BAIAP3: variants seen among roughly 807,000 people sequenced by gnomAD.
BAIAP3 encodes the protein BAI1 associated protein 3.
A neutral mutation model predicts 149.7 loss-of-function variants in BAIAP3; 180 were observed. That is an observed-to-expected ratio of 1.20 (90% CI 1.07 to 1.36). The LOEUF (loss-of-function observed/expected upper bound fraction) is 1.36. Ranked by LOEUF, BAIAP3 falls within the 40% of genes most tolerant of loss-of-function variation. The pLI is 0.00. For missense variants in BAIAP3, 1,767 were observed against 1,563.4 expected (o/e 1.13, Z -2.20); for synonymous variants, 845 against 670.7 (o/e 1.26, Z -4.02).
intron 9 of BAIAP3, 32 bp downstream of exon 9, chr16:1,341,898 G>T (rs1367689771): frequency 6.2e-7 from 1 of 1,604,444 alleles, no homozygotes; most frequent in Middle Eastern, 1.7e-4. Context: ...AGGGCGGCGG[G>T]GATGCACACC....
At chr16:1,347,271 C>T (rs1027925269) in intron 28 of BAIAP3, 27 bp from the exon 29 acceptor site, 4 of 1,608,544 alleles carry the variant, frequency 2.5e-6, no homozygotes, top group Middle Eastern at 1.9e-4. Flanking sequence ...GGCTCCCTGA[C>T]ACCTCTGCCT....
At chr16:1,348,073 T>A in intron 32 of BAIAP3, 23 bp from the exon 33 acceptor site, 1 of 1,433,612 alleles carries the variant, frequency 7.0e-7, no homozygotes, top group Non-Finnish European at 9.0e-7. Flanking sequence ...GGAGCGAGAC[T>A]CCCGACTGGC....
downstream of BAIAP3, chr16:1,349,439 AGTCTCTCTGCCGTT>A: frequency 6.2e-7 from 1 of 1,613,452 alleles, no homozygotes; most frequent in South Asian, 1.1e-5. Flanking sequence ...TGCAACCCTC[AGTCTCTCTGCCGTT>A]TCTTGATTCC....
At chr16:1,336,200 G>A (rs991128863) in intron 1 of BAIAP3, 50 of 985,076 alleles carry the variant, frequency 5.1e-5, no homozygotes, top group Admixed American at 6.1e-5. Context: ...CTGCTCCACT[G>A]GCTTCGGGGG....
At position 1,349,367 on chromosome 16, in the gene BAIAP3, C is replaced by G. The variant is rs1401734772; in HGVS notation, c.*885C>G. The G allele has an allele frequency of 1.3e-6, 2 of 1,570,146 alleles. No individual in the cohort carries two copies. The highest frequency in any genetic ancestry group is 2.2e-5 in the East Asian group (1 of 44,672). On this transcript the variant is annotated 3_prime_UTR_variant, in exon 34 of 34. Coordinates refer to ENST00000426824, the MANE Select transcript of BAIAP3 (RefSeq NM_001199097.2). ...GCCGCAAAGAGCCGAGGCTGCCAGG[C>G]CCATTTATGTCCCTCATGTCTCTAG... is the stretch of plus-strand genomic sequence containing the variant.
chr16:1,341,418 T>C lies in BAIAP3; in HGVS notation c.660T>C (p.Pro220=), dbSNP rs73485660. The part of the protein sequence containing the change: ...RKGSKRGGPL[P]AKCIQVTEVK... ...GCAGCAAGCGCGGTGGACCCCTGCC[T>C]GCCAAGTGCATCCAGGTCACCGAGG... The change falls in exon 8 of 34, where the codon CCT becomes CCC. Residue 220 remains proline, a synonymous_variant. Coordinates refer to ENST00000426824, the MANE Select transcript of BAIAP3 (RefSeq NM_001199097.2). 1.4e-3 allele frequency: 2,235 copies of C among 1,612,668 alleles called. 26 individuals carry two copies. In the African/African-American group the frequency reaches 0.027, roughly 19 times the overall value.
rs535039079 is a variant in BAIAP3, at chr16:1,336,247, A to G, written c.-10-2293A>G. ...AGCAGCCTCTTCCACCCAGCAAGGG[A>G]GGGGAAGGGGGCTTGTGACTCCCAG... On this transcript the variant is annotated intron_variant, in intron 1 of 33. Coordinates refer to ENST00000426824, the MANE Select transcript of BAIAP3 (RefSeq NM_001199097.2). The G allele has an allele frequency of 2.3e-4, 225 of 985,166 alleles. No individual in the cohort carries two copies. The African/African-American group carries it at 3.3e-3, about 14-fold the overall frequency. 61.0% of individuals were successfully genotyped at this position (985,166 alleles called of 1,614,324 possible). A position where few individuals can be genotyped will look rare whatever the true frequency, so the allele number is the denominator to read the frequency against.
At position 1,345,384 on chromosome 16, in the gene BAIAP3, C is replaced by T. The variant is rs563243658; in HGVS notation, c.2064+12C>T. 2.8e-5 allele frequency: 45 copies of T among 1,609,218 alleles called. 4 individuals are homozygous for T. The South Asian group carries it at 4.7e-4, about 17-fold the overall frequency. On this transcript the variant is annotated intron_variant, in intron 22 of 33. Coordinates refer to ENST00000426824, the MANE Select transcript of BAIAP3 (RefSeq NM_001199097.2). ...TGGACATGGACACGGTGACAGCTGC[C>T]CTGGCCTGAGGACACTGGGGCTGGT...
rs762896376 is a variant in BAIAP3 at position 1,349,311 on chromosome 16, G to A, written c.*829G>A. The stretch of plus-strand genomic sequence containing the variant: ...GAGCACAGCTGTGCTGGAAGTGTGG[G>A]GAGAACCCGGACAGCTCAGTCCTGC... On this transcript the variant is annotated 3_prime_UTR_variant, in exon 34 of 34. Coordinates refer to ENST00000426824, the MANE Select transcript of BAIAP3 (RefSeq NM_001199097.2). 20 of 1,052,440 alleles carry A rather than the reference G, an allele frequency of 1.9e-5. No individual in the cohort carries two copies. The highest frequency in any genetic ancestry group is 2.8e-5 in the Non-Finnish European group (19 of 679,166). The allele number at this position is 1,052,440 out of a possible 1,614,324, so 65.2% of individuals were successfully genotyped here. A position where few individuals can be genotyped will look rare whatever the true frequency, so the allele number is the denominator to read the frequency against.
chr16:1,341,209 C>T lies in BAIAP3; in HGVS notation c.535+14C>T. 1 of 1,611,164 alleles carries T rather than the reference C, an allele frequency of 6.2e-7. No individual in the cohort carries two copies. Among genetic ancestry groups the T allele is most frequent in the Non-Finnish European group, 8.5e-7 (1 of 1,179,190 alleles). On this transcript the variant is annotated intron_variant, in intron 7 of 33. Transcript: ENST00000426824. Reference sequence around the variant, plus strand: ...AGGACCCCAACGGTGAGTGGGGACCCAGCAGACCTCGGCTGCGCCGAGGCC... The same window carrying T: ...AGGACCCCAACGGTGAGTGGGGACCTAGCAGACCTCGGCTGCGCCGAGGCC...
Position 1,347,749 on chromosome 16 carries a change from T to C in BAIAP3, c.2953T>C (p.Tyr985His). The change falls in exon 31 of 34, where the codon TAC becomes CAC. Residue 985 changes from tyrosine (Y) to histidine (H), a missense_variant. Transcript: ENST00000426824. The part of the protein sequence containing the change: ...RFGRLSVRCH[Y>H]EAAEQRLAVE... ...TGGACGCCTGAGCGTCCGTTGCCAT[T>C]ACGAGGCGGCTGAGCAGCGGCTGGC... 6.2e-7 allele frequency: 1 copy of C among 1,609,878 alleles called. No individual in the cohort carries two copies.
At chr16:1,345,450 C>A (rs2141605133) in intron 22 of BAIAP3, 78 bp downstream of exon 22, 1 of 1,466,908 alleles carries the variant, frequency 6.8e-7, no homozygotes, top group East Asian at 2.5e-5. Flanking sequence ...CAACCCCAGC[C>A]TCCCCAGCAA....
chr16:1,348,342 AC>A (rs1460710827), intron 33 of BAIAP3, 36 bp from the exon 34 acceptor site: 21 of 1,606,772 alleles, frequency 1.3e-5, no homozygotes, highest in East Asian at 2.2e-5. Context: ...AGCGGGCCTG[AC>A]CCCGGCCCCC....
rs1449825522 is a variant in BAIAP3, at chr16:1,342,595, G to C, written c.1026G>C (p.Gln342His). ...CACGCTCCAGTGCCTCGCGTGTGCA[G>C]GGACACTGCCACCTGGTTCTCAAGC... is the stretch of plus-strand genomic sequence containing the variant. ...LEPRSSASRV[Q>H]GHCHLVLKLI... The change falls in exon 12 of 34, where the codon CAG becomes CAC. Residue 342 changes from glutamine to histidine, a missense_variant. Physicochemically the swap from Gln to His is conservative, Grantham distance 24 (BLOSUM62 0). Transcript: ENST00000426824. 1.3e-6 allele frequency: 2 copies of C among 1,569,262 alleles called. No homozygotes were observed. Among genetic ancestry groups the C allele is most frequent in the Non-Finnish European group, 1.7e-6 (2 of 1,157,902 alleles).
intron 14 of BAIAP3, 94 bp from the exon 15 acceptor site, chr16:1,343,299 G>A: frequency 6.7e-7 from 1 of 1,498,084 alleles, no homozygotes; most frequent in Non-Finnish European, 9.0e-7. Context: ...TGCTGATTGG[G>A]TGGGGCAGAG....
In BAIAP3 at chr16:1,343,480, C is replaced by T; in HGVS notation, c.1353C>T (p.His451=). The T allele has an allele frequency of 6.2e-7, 1 of 1,604,592 alleles. No homozygotes were observed. Among genetic ancestry groups the T allele is most frequent in the East Asian group, 2.2e-5 (1 of 44,696 alleles). The stretch of plus-strand genomic sequence containing the variant: ...GGCTGCTGGAGGACATGCAGGCACA[C>T]TGGGAAGAGGCTCCTTCACTGCCCC... The part of the protein sequence containing the change: ...LLGLLEDMQA[H]WEEAPSLPQE... Residue 451 remains histidine, a synonymous_variant, in exon 15 of 34, where the codon CAC becomes CAT. Coordinates refer to ENST00000426824, the MANE Select transcript of BAIAP3 (RefSeq NM_001199097.2).
Position 1,336,965 on chromosome 16 carries a change from G to A in BAIAP3, c.-10-1575G>A, listed in dbSNP as rs183061626. ...CGCGGTGTCCTAGAAATCAGAGGCC[G>A]GCAAGGCTGGGACAGGAACCCAAGA... On this transcript the variant is annotated intron_variant, in intron 1 of 33. Coordinates refer to ENST00000426824, the MANE Select transcript of BAIAP3 (RefSeq NM_001199097.2). 7.9e-5 allele frequency among the ~76,000 whole-genome samples: 12 copies of A among 152,280 alleles called. No individual in the cohort carries two copies. The East Asian group carries it at 9.6e-4, about 12-fold the overall frequency.
chr16:1,348,126 C>G lies in BAIAP3; in HGVS notation c.3180C>G (p.Arg1060=). 1 of 1,605,056 alleles carries G rather than the reference C, an allele frequency of 6.2e-7. No individual in the cohort carries two copies. The highest frequency in any genetic ancestry group is 1.7e-5 in the Admixed American group (1 of 59,982). Reference sequence around the variant, plus strand: ...TGCCTGCCGAGGCGTGCCGCCGCCGCGCGGCCTGTGTGTTGTTCACCGTCA... The same window carrying G: ...TGCCTGCCGAGGCGTGCCGCCGCCGGGCGGCCTGTGTGTTGTTCACCGTCA... ...FSVPAEACRR[R]AACVLFTVMD... The change falls in exon 33 of 34, where the codon CGC becomes CGG. Residue 1060 remains arginine, a synonymous_variant. Coordinates refer to ENST00000426824, the MANE Select transcript of BAIAP3 (RefSeq NM_001199097.2).
At position 1,348,653 on chromosome 16, in the gene BAIAP3, G is replaced by GGTGT. The variant is rs2034559931; in HGVS notation, c.*175_*178dup. 1.5e-5 allele frequency: 10 copies of GGTGT among 678,692 alleles called. 1 individual carries two copies. In the East Asian group the frequency reaches 2.7e-4, roughly 18 times the overall value. The allele number at this position is 678,692 out of a possible 1,614,324, so 42.0% of individuals were successfully genotyped here. On this transcript the variant is annotated 3_prime_UTR_variant, in exon 34 of 34. Transcript: ENST00000426824. Reference sequence around the variant, plus strand: ...CCTACCGCCCTGGCCGTGTCTGTCTGGTGTGTGCTGTGAACCCCTGCACCC... The same window carrying GGTGT: ...CCTACCGCCCTGGCCGTGTCTGTCTGGTGTGTGTGTGCTGTGAACCCCTGCACCC...
Sources: allele counts gnomAD v4.1 joint callset (sites outside exome capture counted in the v4.1 genomes callset), GRCh38; gene constraint gnomAD v4.1.1; transcripts MANE v1.5; gene names NCBI Gene and HGNC (gene_info 2026-07-23, HGNC 2026-07-21).